Variants in ARHGEF10L observed in about 807,000 individuals in gnomAD.
ARHGEF10L encodes the protein Rho guanine nucleotide exchange factor 10 like, also known as rho guanine nucleotide exchange factor 10-like protein.
In ARHGEF10L, 69 loss-of-function variants were observed where a neutral mutation model predicts 141.2. That is an observed-to-expected ratio of 0.49 (90% CI 0.40 to 0.60). The LOEUF (loss-of-function observed/expected upper bound fraction) is 0.60. Ranked by LOEUF, ARHGEF10L falls within the 20% of genes least tolerant of loss-of-function variation. ARHGEF10L has a pLI of 0.00. For missense variants in ARHGEF10L, 1,482 were observed against 1,734.3 expected, an observed-to-expected ratio of 0.85 and a Z score of 2.58; for synonymous variants, 711 against 718.5, an observed-to-expected ratio of 0.99 and a Z score of 0.17.
At chr1:17,594,517 G>A (rs935405199) in intron 4 of ARHGEF10L, among the ~76,000 whole-genome samples, 10 of 152,018 alleles carry the variant, frequency 6.6e-5, no homozygotes, top group Non-Finnish European at 1.0e-4. Flanking sequence ...AGTCTCTGTC[G>A]CCCAGGCTGG....
At chr1:17,538,061 C>A (rs2076605190), upstream of ARHGEF10L, among the ~76,000 whole-genome samples, 1 of 151,456 alleles carries the variant, frequency 6.6e-6, no homozygotes, top group South Asian at 2.1e-4. Flanking sequence ...AAGACCCAGT[C>A]TCTTAAAAAA....
At chr1:17,685,050 C>T (rs984200290) in intron 26 of ARHGEF10L, among the ~76,000 whole-genome samples, 1 of 152,162 alleles carries the variant, frequency 6.6e-6, no homozygotes, top group African/African-American at 2.4e-5. Flanking sequence ...GCTTCCTTAA[C>T]TCAGTGGGAA....
At position 17,607,988 on chromosome 1, in the gene ARHGEF10L, C is replaced by T. The variant is rs1370581348; in HGVS notation, c.609+11C>T. The T allele has an allele frequency of 5.2e-6, 6 of 1,156,668 alleles. No homozygotes were observed. The highest frequency in any genetic ancestry group is 9.6e-5 in the East Asian group (1 of 10,396). The allele number at this position is 1,156,668 out of a possible 1,614,324, so 71.7% of individuals were successfully genotyped here. On this transcript the variant is annotated intron_variant, in intron 7 of 28. Coordinates refer to ENST00000361221, the MANE Select transcript of ARHGEF10L (RefSeq NM_018125.4). This position sits in a 1 kb window ranked among gnomAD's most constrained non-coding sequence, Gnocchi z 4.5. ...TCCTTCCAGCCCAAGGTGAGGGGACCGGGGGTGTCGCTCACCTCAGTCAGG... is the reference window on the plus strand; with the variant it reads ...TCCTTCCAGCCCAAGGTGAGGGGACTGGGGGTGTCGCTCACCTCAGTCAGG...
intron 27 of ARHGEF10L, chr1:17,690,044 C>T: frequency 2.8e-6 from 1 of 357,082 alleles, no homozygotes; most frequent in Non-Finnish European, 5.5e-6. Context: ...GCCAGGTAAA[C>T]TGGGGCTCAG....
chr1:17,670,530 T>G (rs2063257336), intron 26 of ARHGEF10L, among the ~76,000 whole-genome samples: 1 of 151,678 alleles, frequency 6.6e-6, no homozygotes, highest in South Asian at 2.1e-4. Flanking sequence ...TTAAAAAAAC[T>G]TATTGGGAAC....
intron 9 of ARHGEF10L, chr1:17,618,622 C>T: frequency 1.2e-6 from 1 of 864,998 alleles, no homozygotes; most frequent in Non-Finnish European, 1.6e-6. Context: ...TTTCCTGCTG[C>T]CCACAGCCAC....
intron 1 of ARHGEF10L, among the ~76,000 whole-genome samples, chr1:17,574,009 C>T (rs1429633827): frequency 1.3e-5 from 2 of 152,190 alleles, no homozygotes; most frequent in East Asian, 3.9e-4. Flanking sequence ...TCGGGAAGCC[C>T]TTTGAGTGTC....
intron 15 of ARHGEF10L, among the ~76,000 whole-genome samples, chr1:17,628,311 C>G (rs1375650014): frequency 6.6e-6 from 1 of 152,156 alleles, no homozygotes; most frequent in East Asian, 1.9e-4. Context: ...GCCTGGGTGA[C>G]AGAGGGAGAC....
intron 26 of ARHGEF10L, among the ~76,000 whole-genome samples, chr1:17,675,068 G>A (rs1199001173): frequency 6.6e-6 from 1 of 152,166 alleles, no homozygotes; most frequent in African/African-American, 2.4e-5. Flanking sequence ...CCAGTTGGGA[G>A]CTGGGGGTCT....
Position 17,627,962 on chromosome 1 carries a change from T to C in ARHGEF10L, c.1584+459T>C, listed in dbSNP as rs1297670279. On this transcript the variant is annotated intron_variant, in intron 15 of 28. Coordinates refer to ENST00000361221, the MANE Select transcript of ARHGEF10L (RefSeq NM_018125.4). This position sits in a 1 kb window ranked among gnomAD's most constrained non-coding sequence, Gnocchi z 4.0. ...GGGAGCTGGCAAAGTGGCTTCGTGA[T>C]TGTCCTTAACACAAGAAGAAAGATG... 6.6e-6 allele frequency among the ~76,000 whole-genome samples: 1 copy of C among 152,100 alleles called. No individual in the cohort carries two copies. The highest frequency in any genetic ancestry group is 2.4e-5 in the African/African-American group (1 of 41,420).
chr1:17,654,854 C>T lies in ARHGEF10L; in HGVS notation c.2481+132C>T. On this transcript the variant is annotated intron_variant, in intron 23 of 28. Coordinates refer to ENST00000361221, the MANE Select transcript of ARHGEF10L (RefSeq NM_018125.4). This position sits in a 1 kb window ranked among gnomAD's most constrained non-coding sequence, Gnocchi z 4.3. ...TGCAGCTTCATCCACCAAGGTCTTCCTGGGCACCTCTGGTGCCAGGCACTG... is the reference window on the plus strand; with the variant it reads ...TGCAGCTTCATCCACCAAGGTCTTCTTGGGCACCTCTGGTGCCAGGCACTG... 2 of 840,846 alleles carry T rather than the reference C, an allele frequency of 2.4e-6. No individual in the cohort carries two copies. Among genetic ancestry groups the T allele is most frequent in the South Asian group, 2.9e-5 (2 of 69,810 alleles). The allele number at this position is 840,846 out of a possible 1,614,324, so 52.1% of individuals were successfully genotyped here. A position where few individuals can be genotyped will look rare whatever the true frequency, so the allele number is the denominator to read the frequency against.
At chr1:17,652,152 G>C (rs774799018) in intron 22 of ARHGEF10L, among the ~76,000 whole-genome samples, 1 of 152,218 alleles carries the variant, frequency 6.6e-6, no homozygotes, top group Non-Finnish European at 1.5e-5. Flanking sequence ...AGAGGGAGTT[G>C]CTGGCCACAG....
At chr1:17,611,265 A>G (rs2059534764) in intron 7 of ARHGEF10L, among the ~76,000 whole-genome samples, 1 of 152,234 alleles carries the variant, frequency 6.6e-6, no homozygotes, top group Non-Finnish European at 1.5e-5. Context: ...GACTCAGGTC[A>G]AACCCCAAAC....
chr1:17,650,768 G>A (rs919032419), intron 22 of ARHGEF10L, among the ~76,000 whole-genome samples: 11 of 151,730 alleles, frequency 7.2e-5, no homozygotes, highest in Admixed American at 6.6e-4. Flanking sequence ...GACCTGGAGG[G>A]AGCAGCTCAG....
At chr1:17,572,969 G>C (rs2078066142) in intron 1 of ARHGEF10L, among the ~76,000 whole-genome samples, 1 of 152,148 alleles carries the variant, frequency 6.6e-6, no homozygotes, top group South Asian at 2.1e-4. Flanking sequence ...CTGATGCCTG[G>C]GGAGTGGTAG....
intron 26 of ARHGEF10L, among the ~76,000 whole-genome samples, chr1:17,672,390 C>A (rs542456549): frequency 2.6e-5 from 4 of 152,100 alleles, no homozygotes. Context: ...GAAATTCAGG[C>A]GCAGGGCTTC....
At chr1:17,571,056 C>A (rs959486927) in intron 1 of ARHGEF10L, among the ~76,000 whole-genome samples, 1 of 152,062 alleles carries the variant, frequency 6.6e-6, no homozygotes, top group Non-Finnish European at 1.5e-5. Flanking sequence ...AGGGGCAGAG[C>A]CTGGAGTTCA....
At chr1:17,602,348 G>A (rs1405624743) in intron 5 of ARHGEF10L, 130 bp downstream of exon 5, 7 of 1,090,266 alleles carry the variant, frequency 6.4e-6, no homozygotes, top group Non-Finnish European at 9.1e-6. Flanking sequence ...GGCTTCTGTG[G>A]CCCTGGAGGA....
rs147932455 is a variant in ARHGEF10L at position 17,603,581 on chromosome 1, G to A, written c.423G>A (p.Ala141=). The change falls in exon 6 of 29, where the codon GCG becomes GCA. Residue 141 remains alanine (A), a synonymous_variant. Transcript: ENST00000361221. This position sits in a 1 kb window ranked among gnomAD's most constrained non-coding sequence, Gnocchi z 4.8. The stretch of plus-strand genomic sequence containing the variant: ...ACGTCCCCTGCGAGAGCCCAGATGC[G>A]CATCAGCCCGGTATGATGTCTGCAG... ...YDDVPCESPD[A]HQPGAERNLL... The A allele has an allele frequency of 7.0e-5, 113 of 1,612,586 alleles. No individual in the cohort carries two copies. In the African/African-American group the frequency reaches 1.2e-3, roughly 17 times the overall value.
Sources: gnomAD v4.1 joint callset for allele counts (sites outside exome capture counted in the v4.1 genomes callset) on GRCh38, gnomAD v4.1.1 for gene constraint, Gnocchi (gnomAD v3.1) non-coding constraint, MANE v1.5 for transcripts, NCBI Gene and HGNC (gene_info 2026-07-23, HGNC 2026-07-21) for gene names.